The following TLN2 variants were observed in gnomAD, a reference collection of about 807,000 sequenced individuals.
TLN2 encodes talin-2.
Under a neutral mutation model 294.7 loss-of-function variants are expected in TLN2, and 118 were observed. The ratio of observed to expected loss-of-function variants is 0.40; its 90% CI spans 0.34 to 0.47. The LOEUF is 0.47. TLN2 is among the 20% of genes least tolerant of loss of function. The pLI, the probability that TLN2 is intolerant of heterozygous loss-of-function variation, is 0.84. For missense variants in TLN2, 3,083 were observed against 3,282.2 expected, an observed-to-expected ratio of 0.94 and a Z score of 1.48; for synonymous variants, 1,431 against 1,304.5, an observed-to-expected ratio of 1.10 and a Z score of -2.09.
At chr15:62,702,954 T>C in intron 19 of TLN2, 90 bp downstream of exon 19, 1 of 1,207,318 alleles carries the variant, frequency 8.3e-7, no homozygotes, top group Non-Finnish European at 1.2e-6. Context: ...GAAAACTAAC[T>C]AAATCTTTGA....
intron 34 of TLN2, 124 bp from the exon 35 acceptor site, chr15:62,752,178 TAAA>T (rs1354328331): frequency 1.6e-6 from 2 of 1,248,536 alleles, no homozygotes; most frequent in East Asian, 2.4e-5. Context: ...TTAATCCAAA[TAAA>T]GGAGAAAATG....
intron 1 of TLN2, among the ~76,000 whole-genome samples, chr15:62,402,033 G>T (rs760630800): frequency 9.2e-5 from 14 of 152,150 alleles, no homozygotes; most frequent in Non-Finnish European, 1.8e-4. Context: ...AGTAGTCCCA[G>T]GGTCAAGAAC....
chr15:62,708,080 A>G (rs977931972), intron 20 of TLN2, among the ~76,000 whole-genome samples: 7 of 152,286 alleles, frequency 4.6e-5, no homozygotes, highest in South Asian at 2.1e-4. Flanking sequence ...TTAAAGGACT[A>G]TGAGGCAGAG....
Position 62,517,831 on chromosome 15 carries a change from A to G in TLN2, c.-237-71856A>G, listed in dbSNP as rs549976100. On this transcript the variant is annotated intron_variant, in intron 1 of 58. Coordinates refer to ENST00000636159, the MANE Select transcript of TLN2 (RefSeq NM_015059.3). Reference sequence around the variant, plus strand: ...GTCTCTTTCTTTTTTTAAATGAAATAATTATGGGAGACTCTGTAGCCATGT... The same window carrying G: ...GTCTCTTTCTTTTTTTAAATGAAATGATTATGGGAGACTCTGTAGCCATGT... Among the ~76,000 whole-genome samples, 92 of 152,258 alleles carry G rather than the reference A, an allele frequency of 6.0e-4. 1 individual carries two copies. The South Asian group carries it at 0.019, about 31-fold the overall frequency.
chr15:62,647,457 G>C lies in TLN2; in HGVS notation c.136+11G>C, dbSNP rs377088784. ...CACAAACTGGGCAAGGTAGGTCATG[G>C]GTTATTTACTGGCTTCTTAAAACGT... is the stretch of plus-strand genomic sequence containing the variant. On this transcript the variant is annotated intron_variant, in intron 4 of 58. Coordinates refer to ENST00000636159, the MANE Select transcript of TLN2 (RefSeq NM_015059.3). 1.6e-5 allele frequency: 26 copies of C among 1,612,202 alleles called. No homozygotes were observed. The African/African-American group carries it at 2.3e-4, about 14-fold the overall frequency.
intron 45 of TLN2, among the ~76,000 whole-genome samples, chr15:62,787,309 T>A (rs2064744407): frequency 6.6e-6 from 1 of 152,212 alleles, no homozygotes; most frequent in Non-Finnish European, 1.5e-5. Flanking sequence ...TGTAGTTGTT[T>A]TTTAAGGCTT....
intron 2 of TLN2, among the ~76,000 whole-genome samples, chr15:62,611,108 TATG>T (rs1486787916): frequency 1.3e-5 from 2 of 152,194 alleles, no homozygotes; most frequent in Admixed American, 6.5e-5. Flanking sequence ...GATTATGTCT[TATG>T]ATGACATTTA....
intron 2 of TLN2, among the ~76,000 whole-genome samples, chr15:62,590,569 G>T (rs1429144899): frequency 6.6e-6 from 1 of 152,086 alleles, no homozygotes; most frequent in African/African-American, 2.4e-5. Context: ...GTCTGTCATT[G>T]ATATCTCCAG....
intron 3 of TLN2, among the ~76,000 whole-genome samples, chr15:62,632,981 CAACA>C (rs2050052108): frequency 6.6e-6 from 1 of 152,114 alleles, no homozygotes; most frequent in Non-Finnish European, 1.5e-5. Flanking sequence ...ATAAAACAAA[CAACA>C]AACAAAGTAT....
In TLN2 at chr15:62,841,334, T is replaced by A. The variant is rs1364333983; in HGVS notation, c.*724T>A. The A allele has an allele frequency of 6.6e-6, 1 of 152,418 alleles. No individual in the cohort carries two copies. Among genetic ancestry groups the A allele is most frequent in the African/African-American group, 2.4e-5 (1 of 41,428 alleles). 9.4% of individuals were successfully genotyped at this position (152,418 alleles called of 1,614,324 possible). Reference sequence around the variant, plus strand: ...TTGGTGAGCAGGGGCTGTAATACAGTCTGTGGGCTCCTTACCCTGCAGAGG... The same window carrying A: ...TTGGTGAGCAGGGGCTGTAATACAGACTGTGGGCTCCTTACCCTGCAGAGG... On this transcript the variant is annotated 3_prime_UTR_variant, in exon 59 of 59. Coordinates refer to ENST00000636159, the MANE Select transcript of TLN2 (RefSeq NM_015059.3).
At chr15:62,649,160 A>G (rs2052289747) in intron 4 of TLN2, among the ~76,000 whole-genome samples, 1 of 152,158 alleles carries the variant, frequency 6.6e-6, no homozygotes, top group Non-Finnish European at 1.5e-5. Context: ...AACATTATTT[A>G]TGCTATTAGT....
intron 1 of TLN2, among the ~76,000 whole-genome samples, chr15:62,563,296 G>T (rs1406876180): frequency 6.6e-6 from 1 of 152,108 alleles, no homozygotes; most frequent in African/African-American, 2.4e-5. Flanking sequence ...GTTCTTGCAG[G>T]AGTAAAGTGG....
intron 1 of TLN2, among the ~76,000 whole-genome samples, chr15:62,419,636 C>CT (rs896500840): frequency 1.5e-3 from 174 of 116,524 alleles, no homozygotes; most frequent in Middle Eastern, 7.7e-3. Flanking sequence ...AAGCAGAGGT[C>CT]TTTTTTTTTT....
chr15:62,544,738 T>TC (rs2041894212), intron 1 of TLN2, among the ~76,000 whole-genome samples: 1 of 151,676 alleles, frequency 6.6e-6, no homozygotes, highest in South Asian at 2.1e-4. Flanking sequence ...TTTTTTTTTT[T>TC]TTCTTCCCCC....
At position 62,738,212 on chromosome 15, in the gene TLN2, A is replaced by T. The variant is rs2140961373; in HGVS notation, c.3568-2A>T. ...GGTGCTTCTCTCTCTCCACGAATTCAGGTGGCTAAAGCCGTCTCACACTCC... is the reference window on the plus strand; with the variant it reads ...GGTGCTTCTCTCTCTCCACGAATTCTGGTGGCTAAAGCCGTCTCACACTCC... On this transcript the variant is annotated splice_acceptor_variant, in intron 29 of 58. Coordinates refer to ENST00000636159, the MANE Select transcript of TLN2 (RefSeq NM_015059.3). LOFTEE classifies it high-confidence loss of function. 6.2e-7 allele frequency: 1 copy of T among 1,613,254 alleles called. No individual in the cohort carries two copies. Among genetic ancestry groups the T allele is most frequent in the African/African-American group, 1.3e-5 (1 of 75,044 alleles).
At position 62,805,742 on chromosome 15, in the gene TLN2, A is replaced by C; in HGVS notation, c.6620A>C (p.Asn2207Thr). The C allele has an allele frequency of 6.2e-7, 1 of 1,614,110 alleles. No individual in the cohort carries two copies. The highest frequency in any genetic ancestry group is 8.5e-7 in the Non-Finnish European group (1 of 1,179,978). ...CAGGAGGACGTGATTGCTACTGCCA[A>C]CCTGAGCCGGAAAGCCGTGTCAGAT... ...CRQEDVIATA[N>T]LSRKAVSDML... The change falls in exon 51 of 59, where the codon AAC becomes ACC. Residue 2207 changes from asparagine (N) to threonine (T), a missense_variant. Coordinates refer to ENST00000636159, the MANE Select transcript of TLN2 (RefSeq NM_015059.3).
chr15:62,742,324 C>T (rs2061386170), intron 32 of TLN2, among the ~76,000 whole-genome samples: 2 of 152,006 alleles, frequency 1.3e-5, no homozygotes, highest in South Asian at 4.2e-4. Context: ...TAGAAAACCC[C>T]CTCTTGATCG....
chr15:62,589,110 C>G (rs1407608211), intron 1 of TLN2, among the ~76,000 whole-genome samples: 2 of 152,082 alleles, frequency 1.3e-5, no homozygotes, highest in East Asian at 3.9e-4. Context: ...ACACAGGCGC[C>G]TGTTCCTTTA....
At chr15:62,825,648 G>A (rs183236266) in intron 54 of TLN2, among the ~76,000 whole-genome samples, 15 of 144,600 alleles carry the variant, frequency 1.0e-4, no homozygotes, top group Non-Finnish European at 2.2e-4. Flanking sequence ...TCAGGAGTTC[G>A]AGACCAGCCT....
Sources: gnomAD v4.1 joint callset for allele counts (sites outside exome capture counted in the v4.1 genomes callset) on GRCh38, gnomAD v4.1.1 for gene constraint, MANE v1.5 for transcripts, NCBI Gene and HGNC (gene_info 2026-07-23, HGNC 2026-07-21) for gene names.